ADCK1: variants seen among roughly 807,000 people sequenced by gnomAD.
The protein encoded by ADCK1 is aarF domain-containing protein kinase 1.
Under a neutral mutation model 52.3 loss-of-function variants are expected in ADCK1, and 41 were observed. The ratio of observed to expected loss-of-function variants is 0.78; its 90% CI spans 0.61 to 1.02. ADCK1 has a LOEUF of 1.02. Among genes scored for constraint, ADCK1 ranks in the 50% least tolerant of loss-of-function variants. The probability of loss-of-function intolerance (pLI) is 0.00; values close to 1 mark genes in which losing one functional copy is unlikely to be tolerated. For missense variants in ADCK1, 658 were observed against 679.5 expected (o/e 0.97, Z 0.35); for synonymous variants, 250 against 274.6 (o/e 0.91, Z 0.89).
chr14:77,934,505 C>T lies in ADCK1; in HGVS notation c.*1114C>T, dbSNP rs1404652251. 1 of 152,070 alleles carries T rather than the reference C, an allele frequency of 6.6e-6. No homozygotes were observed. The highest frequency in any genetic ancestry group is 1.5e-5 in the Non-Finnish European group (1 of 68,034). The allele number at this position is 152,070 out of a possible 1,614,324, so 9.4% of individuals were successfully genotyped here. On this transcript the variant is annotated 3_prime_UTR_variant, in exon 11 of 11. Coordinates refer to ENST00000238561, the MANE Select transcript of ADCK1 (RefSeq NM_020421.4). ...CCCAGTCCTTCTGGAGACCTTAGTC[C>T]TCTTGCTGAAACCTCCGTCACTGTG...
At chr14:77,904,939 G>A (rs1416358553) in intron 6 of ADCK1, among the ~76,000 whole-genome samples, 2 of 151,894 alleles carry the variant, frequency 1.3e-5, no homozygotes, top group Non-Finnish European at 2.9e-5. Flanking sequence ...AAATGTGGGC[G>A]CTCACTTCAC....
intron 5 of ADCK1, among the ~76,000 whole-genome samples, chr14:77,892,124 C>A (rs1441887126): frequency 6.6e-6 from 1 of 152,192 alleles, no homozygotes; most frequent in Non-Finnish European, 1.5e-5. Context: ...GTACACTCTC[C>A]TCTGCCCCAT....
intron 7 of ADCK1, among the ~76,000 whole-genome samples, chr14:77,913,359 A>AG (rs1490774017): frequency 6.6e-5 from 10 of 152,182 alleles, no homozygotes; most frequent in Non-Finnish European, 1.2e-4. Context: ...AGCCCTGCCC[A>AG]GGGGTGCCCA....
rs371934978 is a variant in ADCK1, at chr14:77,869,982, C to T, written c.423+10703C>T. Among the ~76,000 whole-genome samples, 7 of 152,276 alleles carry T rather than the reference C, an allele frequency of 4.6e-5. No homozygotes were observed. In the East Asian group the frequency reaches 1.4e-3, roughly 29 times the overall value. On this transcript the variant is annotated intron_variant, in intron 4 of 10. Coordinates refer to ENST00000238561, the MANE Select transcript of ADCK1 (RefSeq NM_020421.4). Reference sequence around the variant, plus strand: ...CAGCCCCACTTTTCTTTATAAATTACCCAGCCTCAGGTATTTATAAAAACG... The same window carrying T: ...CAGCCCCACTTTTCTTTATAAATTATCCAGCCTCAGGTATTTATAAAAACG...
intron 7 of ADCK1, among the ~76,000 whole-genome samples, chr14:77,910,874 G>A (rs2083775968): frequency 6.6e-6 from 1 of 152,204 alleles, no homozygotes; most frequent in South Asian, 2.1e-4. Context: ...ATACCTTGTA[G>A]ATAAAGCCAG....
intron 2 of ADCK1, among the ~76,000 whole-genome samples, chr14:77,821,423 C>T (rs1317041676): frequency 6.6e-6 from 1 of 152,152 alleles, no homozygotes; most frequent in Non-Finnish European, 1.5e-5. Context: ...AGAAACTCTT[C>T]TTAATATCAA....
At chr14:77,883,304 T>A (rs1253362091) in intron 4 of ADCK1, among the ~76,000 whole-genome samples, 1 of 151,114 alleles carries the variant, frequency 6.6e-6, no homozygotes, top group East Asian at 2.0e-4. Context: ...TGAATCTAAT[T>A]GCTGCAAATG....
chr14:77,804,954 C>A (rs1304120077), intron 1 of ADCK1, among the ~76,000 whole-genome samples: 10 of 152,078 alleles, frequency 6.6e-5, no homozygotes, highest in Non-Finnish European at 1.3e-4. Flanking sequence ...CGCTTGTCAT[C>A]CCAGCACTTT....
intron 3 of ADCK1, among the ~76,000 whole-genome samples, chr14:77,822,870 T>A (rs544608724): frequency 5.5e-4 from 83 of 152,036 alleles, no homozygotes; most frequent in Non-Finnish European, 1.0e-3. Flanking sequence ...GGTACTGAGG[T>A]TATCAATTTG....
chr14:77,847,597 A>T (rs2082197881), intron 3 of ADCK1, among the ~76,000 whole-genome samples: 1 of 151,990 alleles, frequency 6.6e-6, no homozygotes, highest in South Asian at 2.1e-4. Flanking sequence ...CAAAAAACCC[A>T]CTTCATACCA....
At chr14:77,907,672 G>A (rs2083697389) in intron 6 of ADCK1, 131 bp from the exon 7 acceptor site, 1 of 629,304 alleles carries the variant, frequency 1.6e-6, no homozygotes, top group African/African-American at 1.9e-5. Context: ...CACCGCTGAG[G>A]TCCCTCCTGG....
chr14:77,926,016 G>C (rs2084185863), intron 9 of ADCK1, 55 bp downstream of exon 9: 2 of 1,603,234 alleles, frequency 1.2e-6, no homozygotes, highest in Admixed American at 3.3e-5. Flanking sequence ...CAGGGCTAGA[G>C]GTGGCCTGTG....
intron 3 of ADCK1, among the ~76,000 whole-genome samples, chr14:77,854,105 C>G (rs1182634550): frequency 6.6e-6 from 1 of 152,176 alleles, no homozygotes; most frequent in African/African-American, 2.4e-5. Flanking sequence ...ATTTTAGCTC[C>G]TGTTTTGGAA....
At chr14:77,883,192 G>T (rs2083071342) in intron 4 of ADCK1, among the ~76,000 whole-genome samples, 1 of 152,072 alleles carries the variant, frequency 6.6e-6, no homozygotes, top group African/African-American at 2.4e-5. Flanking sequence ...AACTGATTTT[G>T]CCGCTAGACC....
At chr14:77,856,298 A>C (rs911302065) in intron 3 of ADCK1, among the ~76,000 whole-genome samples, 2 of 152,256 alleles carry the variant, frequency 1.3e-5, no homozygotes, top group African/African-American at 2.4e-5. Context: ...TAACACTGTT[A>C]ATGTTTCATT....
intron 7 of ADCK1, among the ~76,000 whole-genome samples, chr14:77,911,203 C>G (rs1303122321): frequency 3.3e-5 from 5 of 152,208 alleles, no homozygotes; most frequent in Non-Finnish European, 7.3e-5. Flanking sequence ...GGTTAAACAA[C>G]TTGCCCCGTA....
chr14:77,851,535 A>G (rs149883704), intron 3 of ADCK1, among the ~76,000 whole-genome samples: 2 of 151,904 alleles, frequency 1.3e-5, no homozygotes, highest in East Asian at 1.9e-4. Context: ...TGTTTGTCCT[A>G]TTTGTTCTTC....
chr14:77,918,233 T>C (rs1431775147), intron 7 of ADCK1, among the ~76,000 whole-genome samples: 2 of 152,134 alleles, frequency 1.3e-5, no homozygotes, highest in African/African-American at 2.4e-5. Context: ...TGGGGGAACT[T>C]ACAAGACAGT....
At chr14:77,887,029 T>G in intron 4 of ADCK1, 62 bp from the exon 5 acceptor site, 1 of 1,485,584 alleles carries the variant, frequency 6.7e-7, no homozygotes, top group South Asian at 1.4e-5. Flanking sequence ...CCCATCTTCC[T>G]GGCTCCCTCT....
Sources: gnomAD v4.1 joint callset for allele counts (sites outside exome capture counted in the v4.1 genomes callset) on GRCh38, gnomAD v4.1.1 for gene constraint, MANE v1.5 for transcripts, NCBI Gene and HGNC (gene_info 2026-07-23, HGNC 2026-07-21) for gene names.